Variants in HTR2C observed in about 807,000 individuals in gnomAD.
HTR2C encodes the protein 5-hydroxytryptamine receptor 2C, also known as 5-hydroxytryptamine (serotonin) receptor 2C, G protein-coupled.
In HTR2C, 5 loss-of-function variants were observed where a neutral mutation model predicts 21.0. That is an observed-to-expected ratio of 0.24 (90% CI 0.12 to 0.50). HTR2C has a LOEUF of 0.50. Ranked by LOEUF, HTR2C falls within the 20% of genes least tolerant of loss-of-function variation. HTR2C has a pLI of 0.98. For synonymous variants in HTR2C, 150 were observed against 145.3 expected, an observed-to-expected ratio of 1.03 and a Z score of -0.23; for missense variants, 271 against 371.2, an observed-to-expected ratio of 0.73 and a Z score of 2.22.
chrX:114,605,067 A>C (rs1928344766), intron 1 of HTR2C, among the ~76,000 whole-genome samples: 1 of 111,150 alleles, frequency 9.0e-6, no homozygotes, highest in South Asian at 3.8e-4. Flanking sequence ...AAAGCGTCTC[A>C]GGGTTGCTGC....
chrX:114,775,542 G>C lies in HTR2C; in HGVS notation c.349+43935G>C, dbSNP rs781862466. The C allele has an allele frequency of 7.9e-5, 39 of 494,640 alleles. No individual in the cohort carries two copies. In the Middle Eastern group the frequency reaches 1.9e-3, roughly 24 times the overall value. 40.8% of individuals were successfully genotyped at this position (494,640 alleles called of 1,213,427 possible). On this transcript the variant is annotated intron_variant, in intron 4 of 5. Transcript: ENST00000276198. ...GGTAGTACTATGCTTGATGAGGACA[G>C]GAGGACAGTCATGACTCCACCAGCA...
At position 114,806,275 on chromosome X, in the gene HTR2C, T is replaced by C. The variant is rs1450932764; in HGVS notation, c.350-41728T>C. Among the ~76,000 whole-genome samples, 3 of 99,419 alleles carry C rather than the reference T, an allele frequency of 3.0e-5. No homozygotes were observed. The East Asian group carries it at 9.7e-4, about 32-fold the overall frequency. The allele number at this position is 99,419 out of a possible 115,157, so 86.3% of individuals were successfully genotyped here. On this transcript the variant is annotated intron_variant, in intron 4 of 5. Transcript: ENST00000276198. ...ATATACACCACATATATACACCATA[T>C]ATATACACACCATATAGATACACAC... is the stretch of plus-strand genomic sequence containing the variant.
chrX:114,819,991 T>C (rs1163023820), intron 4 of HTR2C, among the ~76,000 whole-genome samples: 4 of 110,096 alleles, frequency 3.6e-5, no homozygotes, highest in Non-Finnish European at 5.7e-5. Flanking sequence ...CCTTTTAATC[T>C]CTATTTTAAC....
intron 4 of HTR2C, among the ~76,000 whole-genome samples, chrX:114,845,628 A>G (rs1003375488): frequency 1.4e-4 from 16 of 110,927 alleles, no homozygotes; most frequent in Non-Finnish European, 3.0e-4. Context: ...AGATAGACAG[A>G]CTAAGGAAAA....
chrX:114,689,208 G>GTATA (rs58916694), intron 2 of HTR2C, among the ~76,000 whole-genome samples: 1,403 of 72,648 alleles, frequency 0.019, 31 homozygotes, highest in South Asian at 0.041. Flanking sequence ...GTATGTATGC[G>GTATA]TATATATATA....
rs781969064 is a variant in HTR2C at position 114,604,819 on chromosome X, G to C, written c.-146-8996G>C. 4.5e-5 allele frequency among the ~76,000 whole-genome samples: 5 copies of C among 111,066 alleles called. No homozygotes were observed. In the East Asian group the frequency reaches 1.4e-3, roughly 32 times the overall value. ...AATGCCTGGCCGCTGCGGTTCAGGC[G>C]TTTGGAAGTTCTTGTGTGCTGGAGA... On this transcript the variant is annotated intron_variant, in intron 1 of 5. Transcript: ENST00000276198.
At chrX:114,719,293 T>A (rs1194957815) in intron 2 of HTR2C, among the ~76,000 whole-genome samples, 1 of 110,124 alleles carries the variant, frequency 9.1e-6, no homozygotes, top group Non-Finnish European at 1.9e-5. Context: ...TATATGCATA[T>A]CAGAAAGTTT....
chrX:114,698,456 ACAAACACACACACACACAAACACG>A (rs1166900508), intron 2 of HTR2C, among the ~76,000 whole-genome samples: 10 of 31,640 alleles, frequency 3.2e-4, no homozygotes, highest in Non-Finnish European at 4.6e-4. Context: ...ACACACACAC[ACAAACACACACACACACAAACACG>A]CACACACACA....
intron 4 of HTR2C, among the ~76,000 whole-genome samples, chrX:114,760,286 T>C (rs144070318): frequency 0.016 from 1,831 of 111,450 alleles, 42 homozygotes; most frequent in African/African-American, 0.057. Flanking sequence ...CCAGAAAGTT[T>C]CTATAGCCTT....
At chrX:114,652,808 A>G (rs1424106309) in intron 2 of HTR2C, 3 of 250,606 alleles carry the variant, frequency 1.2e-5, no homozygotes, top group Admixed American at 7.4e-5. Context: ...AGTGATCGCC[A>G]TATCTGAAAG....
chrX:114,744,557 ATTC>A (rs1394978775), intron 4 of HTR2C, among the ~76,000 whole-genome samples: 7 of 106,106 alleles, frequency 6.6e-5, no homozygotes, highest in Non-Finnish European at 1.3e-4. Flanking sequence ...GGTTCACGCC[ATTC>A]TTCTGCCTCA....
At chrX:114,765,599 AAACAAC>A (rs199528773) in intron 4 of HTR2C, among the ~76,000 whole-genome samples, 4 of 110,561 alleles carry the variant, frequency 3.6e-5, no homozygotes, top group African/African-American at 6.6e-5. Context: ...TGTTCCTGAA[AAACAAC>A]AACAACAACA....
intron 4 of HTR2C, among the ~76,000 whole-genome samples, chrX:114,773,855 T>C (rs1005483663): frequency 3.6e-5 from 4 of 111,990 alleles, no homozygotes; most frequent in Admixed American, 1.9e-4. Flanking sequence ...GAAATTAAAA[T>C]CTTTATTTTA....
intron 3 of HTR2C, 141 bp downstream of exon 3, chrX:114,727,112 A>T (rs1243694982): frequency 1.6e-5 from 6 of 372,301 alleles, no homozygotes; most frequent in Non-Finnish European, 8.8e-6. Context: ...AAAGACTAAT[A>T]TTATGGGTGT....
In HTR2C at chrX:114,750,863, A is replaced by G. The variant is rs781862102; in HGVS notation, c.349+19256A>G. On this transcript the variant is annotated intron_variant, in intron 4 of 5. Coordinates refer to ENST00000276198, the MANE Select transcript of HTR2C (RefSeq NM_000868.4). ...GAAAGGTAGCAGACACAATAAAAAC[A>G]CCAACGTGTCCAGTTTTAATCAGAT... Among the ~76,000 whole-genome samples the G allele has an allele frequency of 2.4e-4, 27 of 112,028 alleles. No homozygotes were observed. The East Asian group carries it at 6.8e-3, about 28-fold the overall frequency.
At chrX:114,903,744 G>A (rs183977753) in intron 5 of HTR2C, among the ~76,000 whole-genome samples, 176 of 112,264 alleles carry the variant, frequency 1.6e-3, no homozygotes, top group African/African-American at 5.4e-3. Flanking sequence ...CCCCAGAAAC[G>A]TCCAAGTGTG....
chrX:114,881,868 C>A (rs2071184596), intron 5 of HTR2C, among the ~76,000 whole-genome samples: 1 of 109,893 alleles, frequency 9.1e-6, no homozygotes, highest in African/African-American at 3.3e-5. Context: ...ATAGGCTTGA[C>A]AATTTCTACA....
chrX:114,674,342 T>A (rs1170957583), intron 2 of HTR2C, among the ~76,000 whole-genome samples: 5 of 112,415 alleles, frequency 4.4e-5, no homozygotes, highest in Non-Finnish European at 7.5e-5. Flanking sequence ...ATTCTATAGC[T>A]ACCATTGCTT....
intron 2 of HTR2C, among the ~76,000 whole-genome samples, chrX:114,620,564 T>G (rs1929117832): frequency 9.0e-6 from 1 of 111,492 alleles, no homozygotes; most frequent in Admixed American, 9.7e-5. Context: ...TATATGAACA[T>G]AATTGAAATA....
Sources: gnomAD v4.1 joint callset for allele counts (sites outside exome capture counted in the v4.1 genomes callset) on GRCh38, gnomAD v4.1.1 for gene constraint, MANE v1.5 for transcripts, NCBI Gene and HGNC (gene_info 2026-07-23, HGNC 2026-07-21) for gene names.